Variants in ACACB observed in about 807,000 individuals in gnomAD.
ACACB encodes acetyl-CoA carboxylase 2.
In ACACB, 209 loss-of-function variants were observed where a neutral mutation model predicts 278.8. The ratio of observed to expected loss-of-function variants is 0.75; its 90% CI spans 0.67 to 0.84. The LOEUF is 0.84. Ranked by LOEUF, ACACB falls within the 40% of genes least tolerant of loss-of-function variation. ACACB has a pLI of 0.00. For synonymous variants in ACACB, 1,174 were observed against 1,285.6 expected (o/e 0.91, Z 1.86); for missense variants, 2,850 against 3,269.0 (o/e 0.87, Z 3.13).
At chr12:109,145,139 T>C (rs1357702145) in intron 2 of ACACB, among the ~76,000 whole-genome samples, 1 of 150,864 alleles carries the variant, frequency 6.6e-6, no homozygotes, top group African/African-American at 2.5e-5. Context: ...TCAGGTACAC[T>C]GGACCCCTTC....
chr12:109,240,957 A>AAATGT (rs2046778911), intron 35 of ACACB, 121 bp from the exon 36 acceptor site: 1 of 880,144 alleles, frequency 1.1e-6, no homozygotes, highest in Non-Finnish European at 1.8e-6. Context: ...TGTTGGATAC[A>AAATGT]CACTATGTCC....
rs540986166 is a variant in ACACB at position 109,161,367 on chromosome 12, AC to A, written c.654-5490del. Among the ~76,000 whole-genome samples the A allele has an allele frequency of 6.6e-3, 1,006 of 151,916 alleles. 20 individuals carry two copies. Among genetic ancestry groups the A allele is most frequent in the African/African-American group, 0.023 (946 of 41,434 alleles). The stretch of plus-strand genomic sequence containing the variant: ...AAGACCACTCTGGCCAACGTGTAAA[AC>A]CCCGTCTCTACTAAAAATACAAAAT... On this transcript the variant is annotated intron_variant, in intron 2 of 52. Transcript: ENST00000338432.
At chr12:109,223,710 T>C in intron 26 of ACACB, 105 bp from the exon 27 acceptor site, 1 of 1,060,062 alleles carries the variant, frequency 9.4e-7, no homozygotes, top group Non-Finnish European at 1.4e-6. Flanking sequence ...TGCGGTGAGC[T>C]ATGATCACAC....
chr12:109,206,563 C>A (rs966039754), intron 19 of ACACB, 147 bp from the exon 20 acceptor site: 1 of 1,015,184 alleles, frequency 9.9e-7, no homozygotes, highest in African/African-American at 1.6e-5. Context: ...TTTTAACTTT[C>A]CAGTTCATTG....
intron 24 of ACACB, among the ~76,000 whole-genome samples, chr12:109,218,984 C>A (rs1366556408): frequency 6.6e-6 from 1 of 151,874 alleles, no homozygotes; most frequent in African/African-American, 2.4e-5. Context: ...CCAGGCTGGT[C>A]TTGAATTCCT....
intron 2 of ACACB, among the ~76,000 whole-genome samples, chr12:109,158,784 G>C (rs760014500): frequency 3.4e-4 from 51 of 152,126 alleles, no homozygotes; most frequent in Non-Finnish European, 6.8e-4. Context: ...AGACCAGCCT[G>C]GCCAACATGG....
chr12:109,132,481 A>T (rs1164584834), intron 1 of ACACB, among the ~76,000 whole-genome samples: 1 of 152,096 alleles, frequency 6.6e-6, no homozygotes, highest in East Asian at 1.9e-4. Context: ...AGGTGTTTTA[A>T]GGATTGGAGG....
At chr12:109,205,347 A>G (rs2268389) in intron 19 of ACACB, among the ~76,000 whole-genome samples, 23,068 of 152,148 alleles carry the variant, frequency 0.15, 2,326 homozygotes, top group Admixed American at 0.31. Flanking sequence ...GAGATCGAGT[A>G]ACTTCACTTG....
intron 1 of ACACB, among the ~76,000 whole-genome samples, chr12:109,118,427 T>C (rs1198807994): frequency 6.6e-6 from 1 of 151,292 alleles, no homozygotes; most frequent in African/African-American, 2.4e-5. Context: ...TTTTTTTTTT[T>C]TTTTGAGACA....
chr12:109,188,106 G>A lies in ACACB; in HGVS notation c.2088G>A (p.Ala696=), dbSNP rs1166597124. The A allele has an allele frequency of 3.7e-6, 6 of 1,613,060 alleles. No homozygotes were observed. Among genetic ancestry groups the A allele is most frequent in the South Asian group, 3.3e-5 (3 of 91,048 alleles). Residue 696 remains alanine, a synonymous_variant, in exon 13 of 53, where the codon GCG becomes GCA. Transcript: ENST00000338432. ...VAATGGLHEF[A]DSQFGHCFSW... ...CTACTGGAGGCCTGCACGAGTTTGC[G>A]GATTCCCAATTTGGGCACTGCTTCT... is the stretch of plus-strand genomic sequence containing the variant.
chr12:109,157,076 T>G (rs968704760), intron 2 of ACACB, among the ~76,000 whole-genome samples: 6 of 152,078 alleles, frequency 3.9e-5, no homozygotes, highest in African/African-American at 1.2e-4. Flanking sequence ...GTCCCCCTAT[T>G]TATAATAATA....
chr12:109,185,632 A>G lies in ACACB; in HGVS notation c.1872A>G (p.Gly624=), dbSNP rs763618438. Residue 624 remains glycine (G), a synonymous_variant, in exon 12 of 53, where the codon GGA becomes GGG. Transcript: ENST00000338432. The stretch of plus-strand genomic sequence containing the variant: ...TGAAGGATATCCGGCTTCTGTATGG[A>G]GAGTCACCATGGGGAGTGACTCCCA... ...HRLKDIRLLY[G]ESPWGVTPIS... 8 of 1,613,754 alleles carry G rather than the reference A, an allele frequency of 5.0e-6. No homozygotes were observed. Among genetic ancestry groups the G allele is most frequent in the African/African-American group, 1.3e-5 (1 of 74,870 alleles).
intron 27 of ACACB, among the ~76,000 whole-genome samples, chr12:109,225,781 G>A (rs991153210): frequency 3.3e-5 from 5 of 152,180 alleles, no homozygotes; most frequent in African/African-American, 7.2e-5. Context: ...AGTCTAAATC[G>A]AGCTGTGCTC....
chr12:109,201,870 G>A (rs911231000), intron 19 of ACACB, among the ~76,000 whole-genome samples, 169 bp downstream of exon 19: 3 of 152,096 alleles, frequency 2.0e-5, no homozygotes, highest in South Asian at 2.1e-4. Flanking sequence ...CAAGGAAGCC[G>A]CGCCCTGCTT....
At chr12:109,123,427 C>T (rs950242150) in intron 1 of ACACB, among the ~76,000 whole-genome samples, 1 of 151,804 alleles carries the variant, frequency 6.6e-6, no homozygotes, top group Non-Finnish European at 1.5e-5. Context: ...CGTGGTGGCT[C>T]ACATCTGTAA....
chr12:109,210,020 C>T (rs1439853736), intron 21 of ACACB, among the ~76,000 whole-genome samples: 4 of 106,878 alleles, frequency 3.7e-5, no homozygotes, highest in South Asian at 5.4e-4. Context: ...TATATACACA[C>T]GTGTGTATAT....
At chr12:109,134,494 C>G (rs1168847088) in intron 1 of ACACB, among the ~76,000 whole-genome samples, 2 of 152,188 alleles carry the variant, frequency 1.3e-5, no homozygotes, top group Non-Finnish European at 2.9e-5. Flanking sequence ...TGGCAATGTT[C>G]TCTGGCTGTT....
At chr12:109,173,988 AGCTCC>A in intron 6 of ACACB, 139 bp from the exon 7 acceptor site, 1 of 603,562 alleles carries the variant, frequency 1.7e-6, no homozygotes. Flanking sequence ...CATGAGGTTA[AGCTCC>A]TTGAGAGCTG....
chr12:109,133,052 T>C (rs962888911), intron 1 of ACACB, among the ~76,000 whole-genome samples: 1 of 152,150 alleles, frequency 6.6e-6, no homozygotes, highest in South Asian at 2.1e-4. Flanking sequence ...CTTCTATCCG[T>C]AGTTAATCAG....
Sources: gnomAD v4.1 joint callset for allele counts (sites outside exome capture counted in the v4.1 genomes callset) on GRCh38, gnomAD v4.1.1 for gene constraint, MANE v1.5 for transcripts, NCBI Gene and HGNC (gene_info 2026-07-23, HGNC 2026-07-21) for gene names.